The following ADGRL1 variants were observed in gnomAD, a reference collection of about 807,000 sequenced individuals.
ADGRL1 encodes the protein adhesion G protein-coupled receptor L1.
Under a neutral mutation model 148.9 loss-of-function variants are expected in ADGRL1, and 31 were observed. The observed-to-expected ratio is 0.21, with a 90% CI of 0.16 to 0.28. ADGRL1 has a LOEUF of 0.28. Among genes scored for constraint, ADGRL1 ranks in the 10% least tolerant of loss-of-function variants. ADGRL1 has a pLI of 1.00. For synonymous variants in ADGRL1, 937 were observed against 900.3 expected (o/e 1.04, Z -0.73); for missense variants, 1,521 against 2,058.8 (o/e 0.74, Z 5.05).
At chr19:14,181,755 C>G (rs758421455) in intron 2 of ADGRL1, among the ~76,000 whole-genome samples, 2 of 152,100 alleles carry the variant, frequency 1.3e-5, no homozygotes, top group Admixed American at 6.6e-5. Flanking sequence ...GAACAGCCAC[C>G]GTTCTTCTTT....
At chr19:14,178,593 AC>A (rs1970979552) in intron 2 of ADGRL1, among the ~76,000 whole-genome samples, 1 of 152,142 alleles carries the variant, frequency 6.6e-6, no homozygotes, top group South Asian at 2.1e-4. Context: ...ATCATGGCTC[AC>A]TGCAAGTCTC....
At chr19:14,186,851 G>A (rs939828136) in intron 1 of ADGRL1, among the ~76,000 whole-genome samples, 3 of 152,112 alleles carry the variant, frequency 2.0e-5, no homozygotes, top group East Asian at 1.9e-4. Flanking sequence ...TGTCGGCTGC[G>A]GCTGCTCATT....
intron 4 of ADGRL1, chr19:14,167,141 C>T (rs1045777665): frequency 4.8e-5 from 46 of 956,890 alleles, no homozygotes; most frequent in South Asian, 1.3e-4. Context: ...TCTGGCAACA[C>T]GCCCCCTTTT....
In ADGRL1 at chr19:14,157,829, A is replaced by G. The variant is rs900321232; in HGVS notation, c.2535+53T>C. The G allele has an allele frequency of 1.9e-5, 31 of 1,594,988 alleles. No homozygotes were observed. Among genetic ancestry groups the G allele is most frequent in the Non-Finnish European group, 2.3e-5 (27 of 1,169,812 alleles). Reference sequence around the variant, plus strand: ...GTGATCTCTCTAGGATGCCATGCAAAGCCAGGCCAGCAATCGGGCCTGCCT... The same window carrying G: ...GTGATCTCTCTAGGATGCCATGCAAGGCCAGGCCAGCAATCGGGCCTGCCT... On this transcript the variant is annotated intron_variant, in intron 13 of 22. Coordinates refer to ENST00000361434, the MANE Select transcript of ADGRL1 (RefSeq NM_014921.5). This position sits in a 1 kb window ranked among gnomAD's most constrained non-coding sequence, Gnocchi z 7.5.
intron 3 of ADGRL1, 46 bp downstream of exon 3, chr19:14,177,485 T>A (rs1249628462): frequency 6.4e-7 from 1 of 1,569,374 alleles, no homozygotes; most frequent in Admixed American, 1.7e-5. Context: ...GTGCAGTGCT[T>A]TTAGGCGGGC....
intron 11 of ADGRL1, 113 bp from the exon 12 acceptor site, chr19:14,158,665 C>A: frequency 2.5e-6 from 2 of 812,196 alleles, no homozygotes; most frequent in Non-Finnish European, 4.0e-6. Flanking sequence ...ACGCTGGCCA[C>A]TGGGACCTCT....
At chr19:14,197,267 G>A (rs34141102) in intron 1 of ADGRL1, among the ~76,000 whole-genome samples, 23,905 of 151,854 alleles carry the variant, frequency 0.16, 2,367 homozygotes, top group Non-Finnish European at 0.22. Flanking sequence ...ACAAGACTCC[G>A]TCTCTAAATA....
chr19:14,159,992 C>T lies in ADGRL1; in HGVS notation c.1800+120G>A. On this transcript the variant is annotated intron_variant, in intron 8 of 22. Coordinates refer to ENST00000361434, the MANE Select transcript of ADGRL1 (RefSeq NM_014921.5). This position sits in a 1 kb window ranked among gnomAD's most constrained non-coding sequence, Gnocchi z 6.0. ...CTTGGCGGAGAGGGGGGGGTCCTTC[C>T]TCTCTGAGGAAAGGAGTGGAGGTGG... 1 of 1,169,390 alleles carries T rather than the reference C, an allele frequency of 8.6e-7. No individual in the cohort carries two copies. Among genetic ancestry groups the T allele is most frequent in the Non-Finnish European group, 1.2e-6 (1 of 840,278 alleles). The allele number at this position is 1,169,390 out of a possible 1,614,324, so 72.4% of individuals were successfully genotyped here.
chr19:14,156,374 AC>A (rs1968748193), intron 16 of ADGRL1, among the ~76,000 whole-genome samples, 173 bp from the exon 17 acceptor site: 1 of 151,938 alleles, frequency 6.6e-6, no homozygotes, highest in Admixed American at 6.6e-5. Context: ...GATTGGCATG[AC>A]CGGCAATTTA....
chr19:14,173,259 C>T (rs545551132), intron 3 of ADGRL1, among the ~76,000 whole-genome samples: 2 of 152,230 alleles, frequency 1.3e-5, no homozygotes, highest in Admixed American at 1.3e-4. Context: ...TCACACCCAG[C>T]CTATTTTATT....
At chr19:14,165,323 C>G (rs1274754457) in intron 4 of ADGRL1, among the ~76,000 whole-genome samples, 1 of 152,226 alleles carries the variant, frequency 6.6e-6, no homozygotes, top group African/African-American at 2.4e-5. Flanking sequence ...CTCTGTCCAG[C>G]ACACTGGCCT....
intron 17 of ADGRL1, 49 bp downstream of exon 17, chr19:14,156,060 TG>T (rs1410165404): frequency 1.0e-6 from 1 of 954,850 alleles, no homozygotes; most frequent in African/African-American, 4.3e-5. Context: ...GGGCCCAGCG[TG>T]GGGCGGGGGT....
chr19:14,153,869 G>T (rs979219092), intron 18 of ADGRL1, among the ~76,000 whole-genome samples: 4 of 151,782 alleles, frequency 2.6e-5, no homozygotes, highest in Non-Finnish European at 4.4e-5. Context: ...TGAAGCTGGG[G>T]GGGTGGAGGT....
Position 14,149,164 on chromosome 19 carries a change from TGGAGA to T in ADGRL1, c.*1704_*1708del, listed in dbSNP as rs1306114297. The stretch of plus-strand genomic sequence containing the variant: ...GGCTGGGGAGGCTGGCCTGACAGGC[TGGAGA>T]GGAGGGGGCCGGGACAGGTGCTCAG... On this transcript the variant is annotated 3_prime_UTR_variant, in exon 23 of 23. Coordinates refer to ENST00000361434, the MANE Select transcript of ADGRL1 (RefSeq NM_014921.5). 1 of 151,284 alleles carries T rather than the reference TGGAGA, an allele frequency of 6.6e-6. No individual in the cohort carries two copies. The highest frequency in any genetic ancestry group is 2.0e-4 in the East Asian group (1 of 5,100). 9.4% of individuals were successfully genotyped at this position (151,284 alleles called of 1,614,324 possible). A position where few individuals can be genotyped will look rare whatever the true frequency, so the allele number is the denominator to read the frequency against.
In ADGRL1 at chr19:14,149,633, G is replaced by C. The variant is rs73509756; in HGVS notation, c.*1240C>G. ...CTGGTCCTGGGGCAGGCAGTGAGAG[G>C]TACACGCCCCAGAAGGGCTGATGAT... On this transcript the variant is annotated 3_prime_UTR_variant, in exon 23 of 23. Coordinates refer to ENST00000361434, the MANE Select transcript of ADGRL1 (RefSeq NM_014921.5). The C allele has an allele frequency of 1.1e-4, 17 of 152,796 alleles. No individual in the cohort carries two copies. The highest frequency in any genetic ancestry group is 4.1e-4 in the African/African-American group (17 of 41,454). 9.5% of individuals were successfully genotyped at this position (152,796 alleles called of 1,614,324 possible).
intron 4 of ADGRL1, 89 bp from the exon 5 acceptor site, chr19:14,163,495 AGAGGGGG>A: frequency 1.2e-6 from 1 of 861,910 alleles, no homozygotes; most frequent in Non-Finnish European, 1.7e-6. Flanking sequence ...AGAGAGAGAG[AGAGGGGG>A]GAGAGAGGCA....
rs753713538 is a variant in ADGRL1 at position 14,160,071 on chromosome 19, C to T, written c.1800+41G>A. The stretch of plus-strand genomic sequence containing the variant: ...TACTTCCCAAGCCCCTGGGGGCAGG[C>T]GCCCTCCCCATACCAGGTCAGCGCC... On this transcript the variant is annotated intron_variant, in intron 8 of 22. Transcript: ENST00000361434. This position sits in a 1 kb window ranked among gnomAD's most constrained non-coding sequence, Gnocchi z 5.9. 8 of 1,531,366 alleles carry T rather than the reference C, an allele frequency of 5.2e-6. No homozygotes were observed. The highest frequency in any genetic ancestry group is 4.6e-5 in the East Asian group (2 of 43,726). 94.9% of individuals were successfully genotyped at this position (1,531,366 alleles called of 1,614,324 possible). A position where few individuals can be genotyped will look rare whatever the true frequency, so the allele number is the denominator to read the frequency against.
At position 14,148,599 on chromosome 19, in the gene ADGRL1, T is replaced by C. The variant is rs73509752; in HGVS notation, c.*2274A>G. On this transcript the variant is annotated 3_prime_UTR_variant, in exon 23 of 23. Coordinates refer to ENST00000361434, the MANE Select transcript of ADGRL1 (RefSeq NM_014921.5). ...GCCTAGTGCAGTCCGGGAAGGGCCATGGAACTGTCCCTTGCCCTCCTCAGA... is the reference window on the plus strand; with the variant it reads ...GCCTAGTGCAGTCCGGGAAGGGCCACGGAACTGTCCCTTGCCCTCCTCAGA... 4,151 of 152,782 alleles carry C rather than the reference T, an allele frequency of 0.027. 183 individuals carry two copies. The highest frequency in any genetic ancestry group is 0.095 in the African/African-American group (3,960 of 41,536). 9.5% of individuals were successfully genotyped at this position (152,782 alleles called of 1,614,324 possible).
chr19:14,164,631 C>A (rs1969776234), intron 4 of ADGRL1: 1 of 151,212 alleles, frequency 6.6e-6, no homozygotes, highest in Admixed American at 6.6e-5. Flanking sequence ...CTGCGACCAT[C>A]CCCGGCTCGG....
Sources: gnomAD v4.1 joint callset for allele counts (sites outside exome capture counted in the v4.1 genomes callset) on GRCh38, gnomAD v4.1.1 for gene constraint, Gnocchi (gnomAD v3.1) non-coding constraint, MANE v1.5 for transcripts, NCBI Gene and HGNC (gene_info 2026-07-23, HGNC 2026-07-21) for gene names.